Variants in SEPTIN9 observed in about 807,000 individuals in gnomAD.
SEPTIN9 encodes septin 9.
SEPTIN9 carries 13 observed loss-of-function variants against 56.6 expected under a neutral mutation model. The ratio of observed to expected loss-of-function variants is 0.23; its 90% CI spans 0.15 to 0.37. The LOEUF is 0.37. SEPTIN9 is among the 10% of genes least tolerant of loss of function. SEPTIN9 has a pLI of 1.00. For missense variants in SEPTIN9, 650 were observed against 823.1 expected, an observed-to-expected ratio of 0.79 and a Z score of 2.57; for synonymous variants, 332 against 334.1, an observed-to-expected ratio of 0.99 and a Z score of 0.07.
intron 8 of SEPTIN9, among the ~76,000 whole-genome samples, chr17:77,491,963 A>G (rs2040050196): frequency 6.6e-6 from 1 of 151,998 alleles, no homozygotes. Context: ...TCAGAGCCAC[A>G]TGGGGTGCCT....
rs1293919042 is a variant in SEPTIN9, at chr17:77,402,002, C to G, written c.77-57C>G. The stretch of plus-strand genomic sequence containing the variant: ...CTGCTGCTCCTTAGCAGGAAACATG[C>G]CGGAGTGTTCCCTAGCCATCCATTC... On this transcript the variant is annotated intron_variant, in intron 2 of 11. Transcript: ENST00000427177. The surrounding 1 kb of genome is among the most constrained non-coding windows in gnomAD (Gnocchi z 6.6). 6.4e-7 allele frequency: 1 copy of G among 1,557,202 alleles called. No individual in the cohort carries two copies. The highest frequency in any genetic ancestry group is 8.8e-7 in the Non-Finnish European group (1 of 1,141,678).
chr17:77,444,005 A>T (rs137858406), intron 3 of SEPTIN9, among the ~76,000 whole-genome samples: 4 of 152,240 alleles, frequency 2.6e-5, no homozygotes, highest in African/African-American at 9.6e-5. Context: ...AAGGTCTCCA[A>T]GTCAGGGTCT....
intron 3 of SEPTIN9, among the ~76,000 whole-genome samples, chr17:77,418,247 T>C (rs965569890): frequency 2.0e-4 from 30 of 152,144 alleles, no homozygotes; most frequent in African/African-American, 7.0e-4. Flanking sequence ...GGTCTGAAGC[T>C]CAGGCTGGGC....
At chr17:77,358,250 G>C (rs542214981) in intron 2 of SEPTIN9, among the ~76,000 whole-genome samples, 3 of 152,200 alleles carry the variant, frequency 2.0e-5, no homozygotes, top group Non-Finnish European at 2.9e-5. Flanking sequence ...CTCTGGGCAC[G>C]TGTTTACTTG....
chr17:77,314,584 G>A (rs1295245323), intron 2 of SEPTIN9, among the ~76,000 whole-genome samples: 1 of 152,146 alleles, frequency 6.6e-6, no homozygotes, highest in African/African-American at 2.4e-5. Context: ...GAGGGGACAT[G>A]GAAGATGGCA....
At chr17:77,443,017 A>G (rs2037606999) in intron 3 of SEPTIN9, among the ~76,000 whole-genome samples, 1 of 152,170 alleles carries the variant, frequency 6.6e-6, no homozygotes, top group African/African-American at 2.4e-5. Flanking sequence ...AACTACTCAC[A>G]TCTTCCAGGG....
At chr17:77,426,183 T>A (rs1194831291) in intron 3 of SEPTIN9, among the ~76,000 whole-genome samples, 1 of 151,880 alleles carries the variant, frequency 6.6e-6, no homozygotes, top group Non-Finnish European at 1.5e-5. Context: ...CGAATCCGAG[T>A]GCCCTCTGAC....
At chr17:77,320,646 G>A (rs898018566) in intron 2 of SEPTIN9, among the ~76,000 whole-genome samples, 3 of 152,212 alleles carry the variant, frequency 2.0e-5, no homozygotes, top group Non-Finnish European at 2.9e-5. Flanking sequence ...TGTTGGCGCC[G>A]AAACCTTGGG....
chr17:77,482,631 A>G (rs2039505733), intron 4 of SEPTIN9: 1 of 630,550 alleles, frequency 1.6e-6, no homozygotes, highest in Non-Finnish European at 2.9e-6. Context: ...CCTCTGAGCA[A>G]TGACGTCAGC....
In SEPTIN9 at chr17:77,327,742, T is replaced by C. The variant is rs1001482522; in HGVS notation, c.76+20545T>C. On this transcript the variant is annotated intron_variant, in intron 2 of 11. Coordinates refer to ENST00000427177, the MANE Select transcript of SEPTIN9 (RefSeq NM_001113491.2). This position sits in a 1 kb window ranked among gnomAD's most constrained non-coding sequence, Gnocchi z 5.0. Reference sequence around the variant, plus strand: ...ATCCGTGGAGCCACCCTCCTCTTTTTTTTTCTAAATGGGGAAACTCTGACT... The same window carrying C: ...ATCCGTGGAGCCACCCTCCTCTTTTCTTTTCTAAATGGGGAAACTCTGACT... 6.6e-5 allele frequency among the ~76,000 whole-genome samples: 10 copies of C among 152,132 alleles called. No homozygotes were observed. Among genetic ancestry groups the C allele is most frequent in the African/African-American group, 2.4e-4 (10 of 41,436 alleles).
At chr17:77,316,560 G>A (rs2032714060) in intron 2 of SEPTIN9, among the ~76,000 whole-genome samples, 1 of 152,294 alleles carries the variant, frequency 6.6e-6, no homozygotes, top group Non-Finnish European at 1.5e-5. Context: ...GTCATAGCCC[G>A]GCCCCTCACT....
intron 1 of SEPTIN9, chr17:77,281,781 G>T: frequency 2.0e-6 from 1 of 505,520 alleles, no homozygotes; most frequent in Non-Finnish European, 3.5e-6. Flanking sequence ...GTGTCGGAGG[G>T]GCTGCCCTGG....
At chr17:77,411,778 G>A (rs2036312415) in intron 3 of SEPTIN9, among the ~76,000 whole-genome samples, 1 of 152,144 alleles carries the variant, frequency 6.6e-6, no homozygotes, top group South Asian at 2.1e-4. Flanking sequence ...TTGTACATGT[G>A]CACACATGAC....
intron 3 of SEPTIN9, among the ~76,000 whole-genome samples, chr17:77,432,084 G>T (rs779049268): frequency 8.5e-5 from 13 of 152,176 alleles, no homozygotes; most frequent in Non-Finnish European, 1.8e-4. Flanking sequence ...CTCTCTCTGC[G>T]TGTTTCATGG....
In SEPTIN9 at chr17:77,492,916, G is replaced by A. The variant is rs1186714727; in HGVS notation, c.1477-64G>A. The A allele has an allele frequency of 6.8e-7, 1 of 1,465,140 alleles. No individual in the cohort carries two copies. 90.8% of individuals were successfully genotyped at this position (1,465,140 alleles called of 1,614,324 possible). On this transcript the variant is annotated intron_variant, in intron 9 of 11. Coordinates refer to ENST00000427177, the MANE Select transcript of SEPTIN9 (RefSeq NM_001113491.2). This position sits in a 1 kb window ranked among gnomAD's most constrained non-coding sequence, Gnocchi z 5.4. ...CCAGGCTCAGGGCAGCTCCTCCCGG[G>A]GGCCCAGGGGAGGGAATTGCCTTCC... is the stretch of plus-strand genomic sequence containing the variant.
Position 77,389,687 on chromosome 17 carries a change from C to T in SEPTIN9, c.77-12372C>T, listed in dbSNP as rs945128102. On this transcript the variant is annotated intron_variant, in intron 2 of 11. Coordinates refer to ENST00000427177, the MANE Select transcript of SEPTIN9 (RefSeq NM_001113491.2). This position sits in a 1 kb window ranked among gnomAD's most constrained non-coding sequence, Gnocchi z 4.3. Reference sequence around the variant, plus strand: ...GTCCCACCCTTCTGCTGCCTTCCACCAGGGACGGAGGGTGGGCGGCCCTCC... The same window carrying T: ...GTCCCACCCTTCTGCTGCCTTCCACTAGGGACGGAGGGTGGGCGGCCCTCC... Among the ~76,000 whole-genome samples the T allele has an allele frequency of 4.6e-5, 7 of 152,240 alleles. No homozygotes were observed. Among genetic ancestry groups the T allele is most frequent in the African/African-American group, 1.7e-4 (7 of 41,554 alleles).
intron 2 of SEPTIN9, among the ~76,000 whole-genome samples, chr17:77,333,464 C>G (rs1326042162): frequency 2.0e-5 from 3 of 152,200 alleles, no homozygotes; most frequent in Non-Finnish European, 1.5e-5. Flanking sequence ...TGGGCTCAAG[C>G]TGTCCTCCTG....
At position 77,433,234 on chromosome 17, in the gene SEPTIN9, T is replaced by C. The variant is rs1306092088; in HGVS notation, c.721+30531T>C. 6.6e-6 allele frequency among the ~76,000 whole-genome samples: 1 copy of C among 152,226 alleles called. No individual in the cohort carries two copies. Among genetic ancestry groups the C allele is most frequent in the African/African-American group, 2.4e-5 (1 of 41,464 alleles). ...GGTGTCCCTCTCGGTCACAGGATGC[T>C]GCAGCCACGTTGCAGGGAAGGAGAG... is the stretch of plus-strand genomic sequence containing the variant. On this transcript the variant is annotated intron_variant, in intron 3 of 11. Transcript: ENST00000427177. The surrounding 1 kb of genome is among the most constrained non-coding windows in gnomAD (Gnocchi z 6.4).
intron 2 of SEPTIN9, among the ~76,000 whole-genome samples, chr17:77,358,996 C>T (rs995847269): frequency 6.6e-6 from 1 of 152,222 alleles, no homozygotes; most frequent in Non-Finnish European, 1.5e-5. Flanking sequence ...CAGCTTCCAT[C>T]TCTTGAGCTG....
Sources: gnomAD v4.1 joint callset for allele counts (sites outside exome capture counted in the v4.1 genomes callset) on GRCh38, gnomAD v4.1.1 for gene constraint, Gnocchi (gnomAD v3.1) non-coding constraint, MANE v1.5 for transcripts, NCBI Gene and HGNC (gene_info 2026-07-23, HGNC 2026-07-21) for gene names.